Variants in DNAH7 observed in about 807,000 individuals in gnomAD.
DNAH7 encodes the protein dynein axonemal heavy chain 7, also known as axonemal beta dynein heavy chain 7.
Under a neutral mutation model 444.6 loss-of-function variants are expected in DNAH7, and 397 were observed. The observed-to-expected ratio is 0.89, with a 90% confidence interval of 0.82 to 0.97. DNAH7 has a LOEUF of 0.97. Ranked by LOEUF, DNAH7 falls within the 50% of genes least tolerant of loss-of-function variation. The pLI is 0.00. For synonymous variants in DNAH7, 1,636 were observed against 1,624.4 expected (o/e 1.01, Z -0.17); for missense variants, 4,902 against 4,800.8 (o/e 1.02, Z -0.62).
At chr2:195,985,390 C>A (rs551418378) in intron 14 of DNAH7, among the ~76,000 whole-genome samples, 1 of 152,012 alleles carries the variant, frequency 6.6e-6, no homozygotes, top group African/African-American at 2.4e-5. Flanking sequence ...GAAAATCAAC[C>A]GGGAAGGAGA....
intron 63 of DNAH7, among the ~76,000 whole-genome samples, chr2:195,747,446 C>T: frequency 6.6e-6 from 1 of 152,164 alleles, no homozygotes; most frequent in African/African-American, 2.4e-5. Context: ...TGAAACTATT[C>T]CAATCAATAG....
chr2:195,897,334 T>C (rs974984261), intron 29 of DNAH7, among the ~76,000 whole-genome samples: 2 of 152,222 alleles, frequency 1.3e-5, no homozygotes, highest in African/African-American at 4.8e-5. Context: ...ACTATATCTA[T>C]ACTGTGCTAG....
chr2:195,928,646 A>G (rs1688494563), intron 21 of DNAH7, among the ~76,000 whole-genome samples: 1 of 152,174 alleles, frequency 6.6e-6, no homozygotes, highest in Non-Finnish European at 1.5e-5. Flanking sequence ...TACATTCATT[A>G]TAATATAATT....
At chr2:195,962,395 G>A (rs1446608508) in intron 17 of DNAH7, among the ~76,000 whole-genome samples, 1 of 152,216 alleles carries the variant, frequency 6.6e-6, no homozygotes, top group Non-Finnish European at 1.5e-5. Context: ...CTGTCACCCA[G>A]ACTGGAATGC....
chr2:195,939,892 A>G (rs537440024), intron 19 of DNAH7, among the ~76,000 whole-genome samples: 96 of 152,274 alleles, frequency 6.3e-4, no homozygotes, highest in Non-Finnish European at 1.1e-3. Flanking sequence ...CAAATGGAAA[A>G]AAATTCCATG....
chr2:195,817,861 CATT>C (rs1358343429), intron 49 of DNAH7, 32 bp from the exon 50 acceptor site: 13 of 1,486,688 alleles, frequency 8.7e-6, no homozygotes, highest in Non-Finnish European at 9.0e-7. Flanking sequence ...AAAATTACAT[CATT>C]ATTTCTGTTA....
Position 195,910,157 on chromosome 2 carries a change from G to A in DNAH7, c.3974C>T (p.Ala1325Val). 4 of 1,612,950 alleles carry A rather than the reference G, an allele frequency of 2.5e-6. No individual in the cohort carries two copies. Among genetic ancestry groups the A allele is most frequent in the Non-Finnish European group, 3.4e-6 (4 of 1,179,440 alleles). Residue 1325 changes from alanine to valine, a missense_variant, in exon 25 of 65, where the codon GCA becomes GTA. By Grantham distance (64) the Ala-to-Val change is moderately conservative. Transcript: ENST00000312428. ...FGALHLHLGG[A>V]PEGPAGTGKT... ...CCCAGTGCCAGCTGGACCCTCAGGTGCTCCTCCAAGGTGCAAATGAAGGGC... is the reference window on the plus strand; with the variant it reads ...CCCAGTGCCAGCTGGACCCTCAGGTACTCCTCCAAGGTGCAAATGAAGGGC...
intron 18 of DNAH7, among the ~76,000 whole-genome samples, chr2:195,958,595 C>T (rs143775563): frequency 6.6e-6 from 1 of 152,102 alleles, no homozygotes; most frequent in East Asian, 1.9e-4. Flanking sequence ...GTACATACTC[C>T]AAAACAGTGT....
chr2:195,854,066 C>T (rs548597822), intron 45 of DNAH7, among the ~76,000 whole-genome samples: 1 of 152,042 alleles, frequency 6.6e-6, no homozygotes, highest in Non-Finnish European at 1.5e-5. Flanking sequence ...TAGCTGAGAG[C>T]CTATTTGGTG....
At chr2:195,973,214 T>A (rs1363450538) in intron 15 of DNAH7, among the ~76,000 whole-genome samples, 1 of 152,154 alleles carries the variant, frequency 6.6e-6, no homozygotes, top group Non-Finnish European at 1.5e-5. Context: ...GTTTCATTTA[T>A]CCCAGTACTG....
chr2:195,940,421 T>C (rs1395310257), intron 19 of DNAH7, among the ~76,000 whole-genome samples: 5 of 151,980 alleles, frequency 3.3e-5, no homozygotes, highest in African/African-American at 4.8e-5. Flanking sequence ...ATAAAAACCC[T>C]AGAAAAAGAA....
At chr2:195,817,319 G>A (rs562260769) in intron 50 of DNAH7, among the ~76,000 whole-genome samples, 1 of 152,248 alleles carries the variant, frequency 6.6e-6, no homozygotes, top group East Asian at 1.9e-4. Flanking sequence ...TTCTACCTAT[G>A]ATACAGATGT....
At chr2:196,040,429 A>T (rs1024536245) in intron 5 of DNAH7, among the ~76,000 whole-genome samples, 5 of 152,200 alleles carry the variant, frequency 3.3e-5, no homozygotes, top group Non-Finnish European at 5.9e-5. Flanking sequence ...AACATTCATA[A>T]ATCAATATAT....
intron 17 of DNAH7, among the ~76,000 whole-genome samples, chr2:195,967,080 G>T (rs1345432671): frequency 1.3e-5 from 2 of 151,850 alleles, no homozygotes; most frequent in East Asian, 3.9e-4. Context: ...TTCTCTGGTA[G>T]TATGTTTTAA....
At chr2:195,815,925 G>C (rs985484617) in intron 51 of DNAH7, among the ~76,000 whole-genome samples, 1 of 152,148 alleles carries the variant, frequency 6.6e-6, no homozygotes. Flanking sequence ...CCCGGGAGGC[G>C]GAGTTTGCGT....
intron 61 of DNAH7, among the ~76,000 whole-genome samples, chr2:195,771,153 T>TA (rs1694818289): frequency 6.6e-6 from 1 of 151,550 alleles, no homozygotes; most frequent in Non-Finnish European, 1.5e-5. Flanking sequence ...ACCCCATCTC[T>TA]AAAAAAATAA....
intron 2 of DNAH7, among the ~76,000 whole-genome samples, chr2:196,052,291 G>C (rs1009028532): frequency 6.6e-6 from 1 of 152,184 alleles, no homozygotes; most frequent in Non-Finnish European, 1.5e-5. Context: ...AGAGGGAGTG[G>C]CTGCTCCTTA....
intron 19 of DNAH7, 56 bp downstream of exon 19, chr2:195,957,205 C>CA: frequency 1.4e-6 from 2 of 1,397,356 alleles, no homozygotes; most frequent in Non-Finnish European, 1.9e-6. Context: ...TTTCTGAAAA[C>CA]AAAAATCATG....
At chr2:195,839,211 C>CA (rs940755279) in intron 47 of DNAH7, among the ~76,000 whole-genome samples, 2 of 150,408 alleles carry the variant, frequency 1.3e-5, no homozygotes, top group African/African-American at 2.4e-5. Flanking sequence ...AAAACAGTAA[C>CA]AAAAAAATAC....
Sources: allele counts gnomAD v4.1 joint callset (sites outside exome capture counted in the v4.1 genomes callset), GRCh38; gene constraint gnomAD v4.1.1; transcripts MANE v1.5; gene names NCBI Gene and HGNC (gene_info 2026-07-23, HGNC 2026-07-21).